The following NUP214 variants were observed in gnomAD, a reference collection of about 807,000 sequenced individuals.
The protein encoded by NUP214 is nuclear pore complex protein Nup214.
NUP214 carries 79 observed loss-of-function variants against 196.2 expected under a neutral mutation model. That is an observed-to-expected ratio of 0.40 (90% CI 0.34 to 0.49). The LOEUF (loss-of-function observed/expected upper bound fraction) is 0.49. Ranked by LOEUF, NUP214 falls within the 20% of genes least tolerant of loss-of-function variation. The pLI is 0.58. For missense variants in NUP214, 2,468 were observed against 2,539.0 expected (o/e 0.97, Z 0.60); for synonymous variants, 1,020 against 990.5 (o/e 1.03, Z -0.56).
At position 131,197,935 on chromosome 9, in the gene NUP214, A is replaced by G. The variant is rs1367740977; in HGVS notation, c.4441A>G (p.Thr1481Ala). The part of the protein sequence containing the change: ...LSFGSLLSSA[T>A]TPSLPMSAGR... ...ATTTGGTAGCCTCCTGAGTTCAGCA[A>G]CTACCCCCTCCCTGCCTATGTCCGC... Residue 1481 changes from threonine (T) to alanine (A), a missense_variant, in exon 29 of 36, where the codon ACT (threonine) becomes GCT (alanine). Thr to Ala is a moderately conservative substitution (Grantham distance 58, BLOSUM62 0). Transcript: ENST00000359428. 4.3e-6 allele frequency: 7 copies of G among 1,614,152 alleles called. No individual in the cohort carries two copies. In the Admixed American group the frequency reaches 5.0e-5, roughly 12 times the overall value.
At chr9:131,128,281 T>C (rs1039360045) in intron 2 of NUP214, 51 bp from the exon 3 acceptor site, 2 of 1,559,942 alleles carry the variant, frequency 1.3e-6, no homozygotes, top group African/African-American at 1.4e-5. Context: ...AGGTTGTGGC[T>C]TTATGCTTAG....
chr9:131,214,027 T>C (rs1264194994), intron 30 of NUP214, among the ~76,000 whole-genome samples: 2 of 152,168 alleles, frequency 1.3e-5, no homozygotes, highest in Non-Finnish European at 2.9e-5. Context: ...GTGCTCCAGC[T>C]GCTGTGTGGA....
At chr9:131,222,621 G>GTT in intron 31 of NUP214, 157 bp from the exon 32 acceptor site, 1 of 705,990 alleles carries the variant, frequency 1.4e-6, no homozygotes, top group Non-Finnish European at 2.3e-6. Flanking sequence ...ATCAGAGAAA[G>GTT]TACCTGTTGC....
In NUP214 at chr9:131,147,473, A is replaced by T. The variant is rs898343566; in HGVS notation, c.1946-17A>T. The T allele has an allele frequency of 1.3e-5, 21 of 1,581,082 alleles. No individual in the cohort carries two copies. The highest frequency in any genetic ancestry group is 1.8e-5 in the Non-Finnish European group (21 of 1,160,518). On this transcript the variant is annotated splice_polypyrimidine_tract_variant and intron_variant, in intron 13 of 35. Transcript: ENST00000359428. The stretch of plus-strand genomic sequence containing the variant: ...TAATAAATGCCATCTATTTTAACTG[A>T]CTTCTTTTTCAAGCAGGACGATCTG...
Position 131,197,785 on chromosome 9 carries a change from T to G in NUP214, c.4291T>G (p.Ser1431Ala). The change falls in exon 29 of 36, where the codon TCT becomes GCT. Residue 1431 changes from serine (S) to alanine (A), a missense_variant. Physicochemically the swap from Ser to Ala is moderately conservative, Grantham distance 99. Coordinates refer to ENST00000359428, the MANE Select transcript of NUP214 (RefSeq NM_005085.4). ...SSGVISFGGT[S>A]LSAGKTSFSF... The stretch of plus-strand genomic sequence containing the variant: ...TGGGGTCATCAGTTTTGGTGGGACA[T>G]CTCTAAGTGCTGGCAAGACTAGTTT... The G allele has an allele frequency of 6.2e-7, 1 of 1,614,150 alleles. No individual in the cohort carries two copies. The highest frequency in any genetic ancestry group is 8.5e-7 in the Non-Finnish European group (1 of 1,180,036).
At chr9:131,171,181 T>C (rs529853917) in intron 21 of NUP214, among the ~76,000 whole-genome samples, 6 of 152,334 alleles carry the variant, frequency 3.9e-5, no homozygotes, top group East Asian at 1.9e-4. Flanking sequence ...CCATGCCCCA[T>C]GCTTCTGTGA....
chr9:131,213,737 G>A (rs963653977), intron 30 of NUP214, among the ~76,000 whole-genome samples: 1 of 142,036 alleles, frequency 7.0e-6, no homozygotes, highest in African/African-American at 2.6e-5. Flanking sequence ...TTAAATGGTT[G>A]TAGTGAATTG....
chr9:131,137,750 C>T (rs1355873053), intron 9 of NUP214, among the ~76,000 whole-genome samples: 1 of 152,006 alleles, frequency 6.6e-6, no homozygotes, highest in Non-Finnish European at 1.5e-5. Context: ...AGGTTTTTGC[C>T]TTGTTGGCCA....
At chr9:131,178,453 G>A in intron 24 of NUP214, 43 bp downstream of exon 24, 2 of 1,421,794 alleles carry the variant, frequency 1.4e-6, no homozygotes, top group East Asian at 2.3e-5. Context: ...GGCTGCTTCT[G>A]TAGTAGCGGT....
intron 18 of NUP214, among the ~76,000 whole-genome samples, chr9:131,162,251 T>C (rs141186756): frequency 6.6e-6 from 1 of 152,376 alleles, no homozygotes; most frequent in Non-Finnish European, 1.5e-5. Flanking sequence ...AAAATGTCGT[T>C]ATGTGGCACA....
intron 30 of NUP214, among the ~76,000 whole-genome samples, chr9:131,203,070 C>T (rs1160868975): frequency 6.6e-6 from 1 of 151,832 alleles, no homozygotes; most frequent in African/African-American, 2.4e-5. Context: ...CTCAGCCTCC[C>T]GAGTAGCTGG....
Position 131,174,164 on chromosome 9 carries a change from G to T in NUP214, c.3003G>T (p.Thr1001=), listed in dbSNP as rs777176360. The T allele has an allele frequency of 6.2e-6, 10 of 1,613,760 alleles. No individual in the cohort carries two copies. The highest frequency in any genetic ancestry group is 8.5e-6 in the Non-Finnish European group (10 of 1,179,938). The change falls in exon 22 of 36, where the codon ACG becomes ACT. Residue 1001 remains threonine, a synonymous_variant. Coordinates refer to ENST00000359428, the MANE Select transcript of NUP214 (RefSeq NM_005085.4). Reference sequence around the variant, plus strand: ...CTCTGGAGAGTGAAGATGCACGGACGTCCTGTAAAGATGACGAGGCAGTGG... The same window carrying T: ...CTCTGGAGAGTGAAGATGCACGGACTTCCTGTAAAGATGACGAGGCAGTGG... ...SQSLESEDAR[T]SCKDDEAVVQ... is the part of the protein sequence containing the mutation.
At chr9:131,233,332 T>C in intron 35 of NUP214, 122 bp from the exon 36 acceptor site, 1 of 962,538 alleles carries the variant, frequency 1.0e-6, no homozygotes, top group Non-Finnish European at 1.5e-6. Context: ...TGAGACTCTG[T>C]ATCAAAAAAA....
chr9:131,163,775 T>G (rs570453567), intron 19 of NUP214, 95 bp from the exon 20 acceptor site: 1 of 819,164 alleles, frequency 1.2e-6, no homozygotes, highest in African/African-American at 1.7e-5. Context: ...GATATTCTCA[T>G]GTCTTGCATT....
chr9:131,151,025 C>G (rs1564186399), intron 16 of NUP214, among the ~76,000 whole-genome samples: 1 of 152,064 alleles, frequency 6.6e-6, no homozygotes, highest in Non-Finnish European at 1.5e-5. Flanking sequence ...GTTTCTATCC[C>G]TTTGATGCAT....
At chr9:131,133,833 G>T (rs1260702295) in intron 7 of NUP214, 1 of 152,160 alleles carries the variant, frequency 6.6e-6, no homozygotes, top group Non-Finnish European at 1.5e-5. Flanking sequence ...TATTTCATTT[G>T]CTCTCGAATA....
chr9:131,151,116 G>A lies in NUP214; in HGVS notation c.2277+351G>A, dbSNP rs146252172. On this transcript the variant is annotated intron_variant, in intron 16 of 35. Transcript: ENST00000359428. ...AATTTTACTATCTCAAATAGTGTTCGATTTTTAAAAAAGGATATTTTAGGA... is the reference window on the plus strand; with the variant it reads ...AATTTTACTATCTCAAATAGTGTTCAATTTTTAAAAAAGGATATTTTAGGA... 2.2e-4 allele frequency among the ~76,000 whole-genome samples: 33 copies of A among 152,170 alleles called. No homozygotes were observed. The East Asian group carries it at 5.8e-3, about 27-fold the overall frequency.
chr9:131,226,770 C>G (rs1834735569), intron 32 of NUP214, among the ~76,000 whole-genome samples: 1 of 152,204 alleles, frequency 6.6e-6, no homozygotes, highest in African/African-American at 2.4e-5. Context: ...CAGCCTACCA[C>G]TGTTAATGGC....
At position 131,233,531 on chromosome 9, in the gene NUP214, C is replaced by T. The variant is rs1834935225; in HGVS notation, c.*44C>T. On this transcript the variant is annotated 3_prime_UTR_variant, in exon 36 of 36. Transcript: ENST00000359428. ...TTCGATCCCTGGGACCAACCGCATCCTCAGCTTCTTCCCCGAGAAATGCTG... is the reference window on the plus strand; with the variant it reads ...TTCGATCCCTGGGACCAACCGCATCTTCAGCTTCTTCCCCGAGAAATGCTG... 2 of 1,611,248 alleles carry T rather than the reference C, an allele frequency of 1.2e-6. No homozygotes were observed. The highest frequency in any genetic ancestry group is 2.2e-5 in the East Asian group (1 of 44,872).
Sources: gnomAD v4.1 joint callset for allele counts (sites outside exome capture counted in the v4.1 genomes callset) on GRCh38, gnomAD v4.1.1 for gene constraint, MANE v1.5 for transcripts, NCBI Gene and HGNC (gene_info 2026-07-23, HGNC 2026-07-21) for gene names.